The following DENND2B variants were observed in gnomAD, a reference collection of about 807,000 sequenced individuals.
The protein encoded by DENND2B is DENN domain-containing protein 2B.
A neutral mutation model predicts 116.0 loss-of-function variants in DENND2B; 32 were observed. That is an observed-to-expected ratio of 0.28 (90% confidence interval 0.21 to 0.37). The LOEUF is 0.37. DENND2B is among the 10% of genes least tolerant of loss of function. The pLI is 1.00. For missense variants in DENND2B, 1,276 were observed against 1,477.7 expected (o/e 0.86, Z 2.24); for synonymous variants, 588 against 583.9 (o/e 1.01, Z -0.10).
intron 1 of DENND2B, among the ~76,000 whole-genome samples, chr11:8,898,066 C>G (rs1420264183): frequency 6.6e-6 from 1 of 152,178 alleles, no homozygotes; most frequent in Non-Finnish European, 1.5e-5. Context: ...AAGCCATAGC[C>G]ACATGGCCTT....
chr11:8,904,660 G>A (rs141829806), intron 1 of DENND2B, among the ~76,000 whole-genome samples: 1 of 152,100 alleles, frequency 6.6e-6, no homozygotes, highest in Admixed American at 6.5e-5. Context: ...CCAGTATACA[G>A]AAAATCCTAA....
At chr11:8,836,566 C>T (rs1258309053) in intron 4 of DENND2B, among the ~76,000 whole-genome samples, 1 of 151,938 alleles carries the variant, frequency 6.6e-6, no homozygotes, top group African/African-American at 2.4e-5. Flanking sequence ...TGATTACAGG[C>T]ATTCGCCACC....
At chr11:8,747,393 G>C (rs1333376653) in intron 2 of DENND2B, among the ~76,000 whole-genome samples, 3 of 152,190 alleles carry the variant, frequency 2.0e-5, no homozygotes, top group Non-Finnish European at 4.4e-5. Context: ...CCTGCTGCCT[G>C]CCAGGTCTTA....
intron 3 of DENND2B, among the ~76,000 whole-genome samples, chr11:8,851,667 C>T (rs2063012575): frequency 6.6e-6 from 1 of 152,014 alleles, no homozygotes; most frequent in Non-Finnish European, 1.5e-5. Context: ...AGGAACTGCA[C>T]TAAAATATGG....
chr11:8,728,365 C>T (rs1237856258), intron 3 of DENND2B, among the ~76,000 whole-genome samples: 1 of 152,080 alleles, frequency 6.6e-6, no homozygotes, highest in African/African-American at 2.4e-5. Flanking sequence ...ATAACAGACA[C>T]AAACTTACCA....
chr11:8,804,864 G>A (rs2060704472), intron 1 of DENND2B, among the ~76,000 whole-genome samples: 1 of 152,236 alleles, frequency 6.6e-6, no homozygotes, highest in Non-Finnish European at 1.5e-5. Context: ...TCTAAAAGAA[G>A]AATCTGGTTT....
intron 4 of DENND2B, among the ~76,000 whole-genome samples, chr11:8,817,170 C>G (rs2061597605): frequency 6.6e-6 from 1 of 152,194 alleles, no homozygotes; most frequent in Non-Finnish European, 1.5e-5. Flanking sequence ...ATCCATAAGT[C>G]TGAGACAAAG....
intron 2 of DENND2B, among the ~76,000 whole-genome samples, chr11:8,743,824 G>A (rs866019647): frequency 1.3e-5 from 2 of 150,178 alleles, no homozygotes; most frequent in African/African-American, 2.5e-5. Flanking sequence ...ATGGCTCACT[G>A]CAGCCTTGAC....
At chr11:8,779,907 T>C (rs1252044121) in intron 1 of DENND2B, among the ~76,000 whole-genome samples, 8 of 152,206 alleles carry the variant, frequency 5.3e-5, no homozygotes, top group Non-Finnish European at 2.9e-5. Context: ...AAACATCCCA[T>C]TGAAATTCCT....
At chr11:8,854,399 A>C (rs2063124169) in intron 3 of DENND2B, among the ~76,000 whole-genome samples, 1 of 151,734 alleles carries the variant, frequency 6.6e-6, no homozygotes, top group Non-Finnish European at 1.5e-5. Context: ...ACAGGGTTTC[A>C]CCATGTTGGC....
intron 2 of DENND2B, among the ~76,000 whole-genome samples, chr11:8,731,443 C>T (rs1051915810): frequency 6.6e-6 from 1 of 152,140 alleles, no homozygotes; most frequent in Non-Finnish European, 1.5e-5. Flanking sequence ...CCCCAGGCAC[C>T]CTGAGTAATG....
At chr11:8,779,503 T>C (rs1354088850) in intron 1 of DENND2B, among the ~76,000 whole-genome samples, 1 of 119,206 alleles carries the variant, frequency 8.4e-6, no homozygotes, top group African/African-American at 3.0e-5. Flanking sequence ...CTTTTCTTTC[T>C]TTCTTTCTTT....
intron 13 of DENND2B, chr11:8,703,158 T>C (rs2042015864): frequency 6.3e-6 from 1 of 157,732 alleles, no homozygotes; most frequent in South Asian, 1.9e-4. Context: ...CCCAGGACTC[T>C]AATCCCAGCC....
At chr11:8,808,055 T>A (rs80121449) in intron 1 of DENND2B, 3 of 152,448 alleles carry the variant, frequency 2.0e-5, no homozygotes, top group African/African-American at 7.2e-5. Flanking sequence ...CACAGTCCCA[T>A]GGCATATCAA....
At chr11:8,899,256 C>T (rs1039236294) in intron 1 of DENND2B, among the ~76,000 whole-genome samples, 4 of 151,358 alleles carry the variant, frequency 2.6e-5, no homozygotes, top group Admixed American at 1.3e-4. Flanking sequence ...TAAGGAGAGT[C>T]CCAGAAAAAG....
rs112154273 is a variant in DENND2B at position 8,850,870 on chromosome 11, C to G, written c.-156+6473G>C. Among the ~76,000 whole-genome samples the G allele has an allele frequency of 3.5e-3, 530 of 152,290 alleles. 3 individuals carry two copies. Among genetic ancestry groups the G allele is most frequent in the Middle Eastern group, 0.01 (3 of 294 alleles). On this transcript the variant is annotated intron_variant, in intron 3 of 6. Transcript: ENST00000524757. The stretch of plus-strand genomic sequence containing the variant: ...ATAAAAAAAGAAGGAAATCTTGTCA[C>G]TTCCTACAACATGGATGAACCTGAG...
chr11:8,781,745 T>C lies in DENND2B; in HGVS notation c.-26+28772A>G, dbSNP rs776815620. Among the ~76,000 whole-genome samples the C allele has an allele frequency of 7.0e-4, 106 of 151,940 alleles. 1 individual carries two copies. The highest frequency in any genetic ancestry group is 9.8e-4 in the Admixed American group (15 of 15,270). On this transcript the variant is annotated intron_variant, in intron 1 of 19. Transcript: ENST00000313726. The stretch of plus-strand genomic sequence containing the variant: ...TGACAAGTGATTAAAAATCAGAACA[T>C]ATTAAGAACTTCTAAAGGAAAAAGA...
chr11:8,833,607 C>A (rs1258655672), intron 4 of DENND2B, among the ~76,000 whole-genome samples: 1 of 152,130 alleles, frequency 6.6e-6, no homozygotes, highest in Non-Finnish European at 1.5e-5. Flanking sequence ...CTTCCAACTT[C>A]ATGTCCCTAT....
At chr11:8,816,078 G>C (rs922745610) in intron 4 of DENND2B, among the ~76,000 whole-genome samples, 38 of 152,086 alleles carry the variant, frequency 2.5e-4, no homozygotes, top group African/African-American at 8.7e-4. Flanking sequence ...CCTTACTTTG[G>C]GATCAAAGAA....
Sources: allele counts gnomAD v4.1 joint callset (sites outside exome capture counted in the v4.1 genomes callset), GRCh38; gene constraint gnomAD v4.1.1; transcripts MANE v1.5; gene names NCBI Gene and HGNC (gene_info 2026-07-23, HGNC 2026-07-21).